IRX2: variants seen among roughly 807,000 people sequenced by gnomAD.
IRX2 encodes the protein iroquois homeobox 2.
Under a neutral mutation model 42.9 loss-of-function variants are expected in IRX2, and 26 were observed. That is an observed-to-expected ratio of 0.61 (90% CI 0.44 to 0.84). The LOEUF is 0.84. Among genes scored for constraint, IRX2 ranks in the 40% least tolerant of loss-of-function variants. The probability of loss-of-function intolerance (pLI) is 0.00; values close to 1 mark genes in which losing one functional copy is unlikely to be tolerated. For missense variants in IRX2, 782 were observed against 713.9 expected (o/e 1.10, Z -1.09); for synonymous variants, 424 against 353.9 (o/e 1.20, Z -2.22).
At chr5:2,744,267 T>G (rs1316517719), downstream of IRX2, among the ~76,000 whole-genome samples, 2 of 152,236 alleles carry the variant, frequency 1.3e-5, no homozygotes, top group African/African-American at 2.4e-5. Context: ...AGAAATGTAC[T>G]GCCTTAAATG....
rs1253307915 is a variant in IRX2, at chr5:2,749,642, C to T, written c.395G>A (p.Trp132Ter). The T allele has an allele frequency of 2.5e-6, 4 of 1,614,080 alleles. No individual in the cohort carries two copies. In the Admixed American group the frequency reaches 6.7e-5, roughly 27 times the overall value. The change falls in exon 2 of 4, where the codon TGG (tryptophan) becomes TAG (stop). Residue 132 changes from tryptophan (W) to a stop codon, truncating the protein, a stop_gained. Coordinates refer to ENST00000302057, the MANE Select transcript of IRX2 (RefSeq NM_033267.5). LOFTEE classifies it high-confidence loss of function. ...TRDATATLKA[W>*]LNEHRKNPYP... ...GGGGTTCTTGCGGTGCTCGTTGAGC[C>T]AGGCCTTGAGAGTGGCCGTGGCGTC...
chr5:2,748,544 GA>G lies in IRX2; in HGVS notation c.1163del (p.Phe388SerfsTer11). The G allele has an allele frequency of 1.3e-6, 2 of 1,577,772 alleles. No homozygotes were observed. The highest frequency in any genetic ancestry group is 2.5e-5 in the East Asian group (1 of 39,910). On this transcript the variant is annotated frameshift_variant, in exon 3 of 4. Transcript: ENST00000302057. LOFTEE classifies it high-confidence loss of function. The stretch of plus-strand genomic sequence containing the variant: ...TCCCGTAGTTTGTGTAGTTGCCGTA[GA>G]AGGGCGACGTGTAGTAGAGGGGGCG... The part of the protein sequence containing the change: ...LGRPLYYTSP[F>X]YGNYTNYGNL...
chr5:2,739,774 G>T, the IRX2 span, among the ~76,000 whole-genome samples: 2 of 152,208 alleles, frequency 1.3e-5, no homozygotes, highest in Non-Finnish European at 2.9e-5. Context: ...GCCAGGGAGC[G>T]AGGCGAGCAC....
At chr5:2,745,406 T>A (rs574872694), downstream of IRX2, among the ~76,000 whole-genome samples, 176 of 152,370 alleles carry the variant, frequency 1.2e-3, no homozygotes, top group Middle Eastern at 3.4e-3. Context: ...GATATCCATA[T>A]AATTTTGCTG....
At position 2,751,319 on chromosome 5, in the gene IRX2, C is replaced by A; in HGVS notation, c.95G>T (p.Arg32Leu). 7.0e-7 allele frequency: 1 copy of A among 1,437,976 alleles called. No homozygotes were observed. Among genetic ancestry groups the A allele is most frequent in the African/African-American group, 1.5e-5 (1 of 66,964 alleles). 89.1% of individuals were successfully genotyped at this position (1,437,976 alleles called of 1,614,324 possible). The change falls in exon 1 of 4, where the codon CGC becomes CTC. Residue 32 changes from arginine (R) to leucine (L), a missense_variant. Coordinates refer to ENST00000302057, the MANE Select transcript of IRX2 (RefSeq NM_033267.5). The surrounding 1 kb of genome is among the most constrained non-coding windows in gnomAD (Gnocchi z 4.0). ...CGCCGAGCGCGCCAGCTCCTCGCTG[C>A]GCGGAGCCGCCAAAGCCGACGCGCC... is the stretch of plus-strand genomic sequence containing the variant. ...AYGASALAAPRSEELARSASG... is the reference protein window; with the variant it reads ...AYGASALAAPLSEELARSASG...
chr5:2,748,247 C>A, intron 3 of IRX2, 98 bp downstream of exon 3: 1 of 1,169,090 alleles, frequency 8.6e-7, no homozygotes, highest in Non-Finnish European at 1.1e-6. Context: ...CCCCCTGGAT[C>A]TTCTTCCCGG....
chr5:2,748,471 C>A lies in IRX2; in HGVS notation c.1237G>T (p.Ala413Ser). ...QGQGLLRYNS[A>S]AAAPGEALHT... is the part of the protein sequence containing the mutation. ...AGGGCCTCGCCGGGGGCCGCGGCCG[C>A]AGAGTTGTACCGCAGGAGACCCTGG... The change falls in exon 3 of 4, where the codon GCG (alanine) becomes TCG (serine). Residue 413 changes from alanine (A) to serine (S), a missense_variant. Coordinates refer to ENST00000302057, the MANE Select transcript of IRX2 (RefSeq NM_033267.5). 6.4e-7 allele frequency: 1 copy of A among 1,573,882 alleles called. No individual in the cohort carries two copies. Among genetic ancestry groups the A allele is most frequent in the Admixed American group, 1.8e-5 (1 of 55,308 alleles).
At position 2,748,357 on chromosome 5, in the gene IRX2, C is replaced by T. The variant is rs538254014; in HGVS notation, c.1351G>A (p.Glu451Lys). ...GCGGGCCGCCTACCTTTCTTGGGCT[C>T]GTAGCCGCCGCCCGGGGACCGGTAG... ...SHYRSPGGGY[E>K]PKKDASEGCT... Residue 451 changes from glutamate to lysine, a missense_variant, in exon 3 of 4, where the codon GAG becomes AAG. Coordinates refer to ENST00000302057, the MANE Select transcript of IRX2 (RefSeq NM_033267.5). 170 of 1,450,298 alleles carry T rather than the reference C, an allele frequency of 1.2e-4. 1 individual carries two copies. The African/African-American group carries it at 2.3e-3, about 20-fold the overall frequency. The allele number at this position is 1,450,298 out of a possible 1,614,324, so 89.8% of individuals were successfully genotyped here.
downstream of IRX2, among the ~76,000 whole-genome samples, chr5:2,741,191 G>A (rs1338792303): frequency 6.6e-6 from 1 of 152,260 alleles, no homozygotes; most frequent in East Asian, 1.9e-4. Context: ...AAGGTGTCAA[G>A]GGTTAAACCG....
In IRX2 at chr5:2,751,315, G is replaced by A. The variant is rs1350560068; in HGVS notation, c.99C>T (p.Ser33=). The part of the protein sequence containing the change: ...YGASALAAPR[S]EELARSASGS... ...CCGACGCCGAGCGCGCCAGCTCCTC[G>A]CTGCGCGGAGCCGCCAAAGCCGACG... The change falls in exon 1 of 4, where the codon AGC becomes AGT. Residue 33 remains serine, a synonymous_variant. Transcript: ENST00000302057. The surrounding 1 kb of genome is among the most constrained non-coding windows in gnomAD (Gnocchi z 4.0). The A allele has an allele frequency of 7.0e-7, 1 of 1,437,116 alleles. No homozygotes were observed. The highest frequency in any genetic ancestry group is 1.3e-5 in the South Asian group (1 of 75,676). The allele number at this position is 1,437,116 out of a possible 1,614,324, so 89.0% of individuals were successfully genotyped here. A position where few individuals can be genotyped will look rare whatever the true frequency, so the allele number is the denominator to read the frequency against.
downstream of IRX2, among the ~76,000 whole-genome samples, chr5:2,741,043 G>C (rs563060776): frequency 6.6e-6 from 1 of 152,250 alleles, no homozygotes. Context: ...TGCAGAGCCG[G>C]GTGCACGCGG....
the IRX2 span, among the ~76,000 whole-genome samples, chr5:2,739,865 A>G: frequency 2.6e-5 from 4 of 152,118 alleles, no homozygotes; most frequent in African/African-American, 9.7e-5. Context: ...GGCCGGGGTC[A>G]GGGCGGGAGG....
downstream of IRX2, among the ~76,000 whole-genome samples, chr5:2,743,426 G>A (rs751078076): frequency 6.6e-6 from 1 of 151,684 alleles, no homozygotes; most frequent in Non-Finnish European, 1.5e-5. Flanking sequence ...CCGGCCCCCG[G>A]GGCCCACCTG....
At position 2,751,470 on chromosome 5, in the gene IRX2, G is replaced by T. The variant is rs1159711826; in HGVS notation, c.-57C>A. On this transcript the variant is annotated 5_prime_UTR_variant, in exon 1 of 4. Transcript: ENST00000302057. This position sits in a 1 kb window ranked among gnomAD's most constrained non-coding sequence, Gnocchi z 4.0. Reference sequence around the variant, plus strand: ...CCGAGCAGCGGGCAGGGCGCGCGGCGCCCTCCATCCACGCCCGGCCGGGGC... The same window carrying T: ...CCGAGCAGCGGGCAGGGCGCGCGGCTCCCTCCATCCACGCCCGGCCGGGGC... 1.8e-6 allele frequency: 2 copies of T among 1,084,994 alleles called. No homozygotes were observed. The highest frequency in any genetic ancestry group is 2.2e-6 in the Non-Finnish European group (2 of 895,152). The allele number at this position is 1,084,994 out of a possible 1,614,324, so 67.2% of individuals were successfully genotyped here. A position where few individuals can be genotyped will look rare whatever the true frequency, so the allele number is the denominator to read the frequency against.
the IRX2 span, among the ~76,000 whole-genome samples, chr5:2,739,563 G>C: frequency 3.3e-5 from 5 of 152,330 alleles, no homozygotes; most frequent in South Asian, 1.0e-3. Flanking sequence ...GGAGAGGAAG[G>C]CTGGCTGTGG....
the IRX2 span, among the ~76,000 whole-genome samples, chr5:2,739,971 C>T: frequency 6.6e-6 from 1 of 152,124 alleles, no homozygotes; most frequent in Non-Finnish European, 1.5e-5. Flanking sequence ...GTGCCAGGAG[C>T]GGGGCCTCCA....
the IRX2 span, among the ~76,000 whole-genome samples, chr5:2,740,198 G>A: frequency 6.6e-6 from 1 of 151,208 alleles, no homozygotes; most frequent in Non-Finnish European, 1.5e-5. Flanking sequence ...CGGGGGTCCT[G>A]CCCATCAGGC....
At position 2,747,186 on chromosome 5, in the gene IRX2, T is replaced by G. The variant is rs1737698462; in HGVS notation, c.*378A>C. The G allele has an allele frequency of 6.5e-6, 1 of 153,152 alleles. No homozygotes were observed. Among genetic ancestry groups the G allele is most frequent in the Non-Finnish European group, 1.5e-5 (1 of 68,830 alleles). 9.5% of individuals were successfully genotyped at this position (153,152 alleles called of 1,614,324 possible). On this transcript the variant is annotated 3_prime_UTR_variant, in exon 4 of 4. Coordinates refer to ENST00000302057, the MANE Select transcript of IRX2 (RefSeq NM_033267.5). ...TCTAAATTGCATATAAATGCCCAGA[T>G]TTTAATAATCTATTGTTTCAAAAGA...
the IRX2 span, among the ~76,000 whole-genome samples, chr5:2,738,878 C>T: frequency 5.3e-5 from 8 of 152,182 alleles, no homozygotes; most frequent in Admixed American, 3.9e-4. Flanking sequence ...TGGGCCTGGA[C>T]GCCGAGGCCG....
Sources: gnomAD v4.1 joint callset for allele counts (sites outside exome capture counted in the v4.1 genomes callset) on GRCh38, gnomAD v4.1.1 for gene constraint, Gnocchi (gnomAD v3.1) non-coding constraint, MANE v1.5 for transcripts, NCBI Gene and HGNC (gene_info 2026-07-23, HGNC 2026-07-21) for gene names.